The following LARGE1 variants were observed in gnomAD, a reference collection of about 807,000 sequenced individuals.
LARGE1 encodes xylosyl- and glucuronyltransferase LARGE1.
Under a neutral mutation model 87.6 loss-of-function variants are expected in LARGE1, and 43 were observed. The ratio of observed to expected loss-of-function variants is 0.49; its 90% CI spans 0.38 to 0.63. The LOEUF (loss-of-function observed/expected upper bound fraction) is 0.63. Ranked by LOEUF, LARGE1 falls within the 30% of genes least tolerant of loss-of-function variation. LARGE1 has a pLI of 0.00. For synonymous variants in LARGE1, 434 were observed against 394.6 expected (o/e 1.10, Z -1.18); for missense variants, 802 against 1,000.2 (o/e 0.80, Z 2.67).
chr22:33,821,518 G>C (rs1445406295), intron 1 of LARGE1, among the ~76,000 whole-genome samples: 1 of 152,104 alleles, frequency 6.6e-6, no homozygotes, highest in Non-Finnish European at 1.5e-5. Flanking sequence ...TAATGAGATG[G>C]TAAGGATGTC....
At chr22:33,642,888 C>T (rs1324725512) in intron 3 of LARGE1, among the ~76,000 whole-genome samples, 2 of 151,892 alleles carry the variant, frequency 1.3e-5, no homozygotes, top group Non-Finnish European at 1.5e-5. Flanking sequence ...ACTGGAGCAC[C>T]CAGATTCATT....
intron 12 of LARGE1, among the ~76,000 whole-genome samples, chr22:33,288,177 T>C (rs1002874065): frequency 6.6e-6 from 1 of 152,208 alleles, no homozygotes; most frequent in African/African-American, 2.4e-5. Flanking sequence ...ATAGACGTGT[T>C]AAACTGCAAT....
chr22:33,404,882 G>T (rs1034521047), intron 7 of LARGE1, among the ~76,000 whole-genome samples: 1 of 152,120 alleles, frequency 6.6e-6, no homozygotes, highest in Admixed American at 6.5e-5. Context: ...CTGTTCAGTG[G>T]GGGGGAAGGA....
chr22:33,678,392 T>C (rs372234468), intron 2 of LARGE1, among the ~76,000 whole-genome samples: 1 of 152,278 alleles, frequency 6.6e-6, no homozygotes, highest in East Asian at 1.9e-4. Flanking sequence ...CCATGAAATA[T>C]CTAAAGTAAC....
In LARGE1 at chr22:33,332,792, T is replaced by C. The variant is rs1325692297; in HGVS notation, c.1287+4854A>G. On this transcript the variant is annotated intron_variant, in intron 10 of 14. Transcript: ENST00000397394. Reference sequence around the variant, plus strand: ...AGTGCAATGTTTACAGACTCTCTCTTTGCCCCAGCTCCAGCCCCAGCCCCA... The same window carrying C: ...AGTGCAATGTTTACAGACTCTCTCTCTGCCCCAGCTCCAGCCCCAGCCCCA... 2.0e-5 allele frequency among the ~76,000 whole-genome samples: 3 copies of C among 152,140 alleles called. No individual in the cohort carries two copies. The East Asian group carries it at 5.8e-4, about 29-fold the overall frequency.
intron 7 of LARGE1, among the ~76,000 whole-genome samples, chr22:33,398,583 T>C (rs148775503): frequency 2.0e-5 from 3 of 152,208 alleles, no homozygotes; most frequent in Non-Finnish European, 4.4e-5. Flanking sequence ...AATAAAAAGT[T>C]GAGGAAAAGT....
chr22:33,800,741 G>A (rs181357064), intron 1 of LARGE1, among the ~76,000 whole-genome samples: 42 of 152,140 alleles, frequency 2.8e-4, no homozygotes, highest in African/African-American at 7.5e-4. Flanking sequence ...CCTTTTTCTC[G>A]CTGAGTAGTG....
chr22:33,842,099 A>G (rs764777511), intron 1 of LARGE1, among the ~76,000 whole-genome samples: 2 of 152,242 alleles, frequency 1.3e-5, no homozygotes, highest in Non-Finnish European at 2.9e-5. Flanking sequence ...ATCCCTTTAT[A>G]GTTCTAAATG....
intron 1 of LARGE1, among the ~76,000 whole-genome samples, chr22:33,826,492 A>C (rs2062788874): frequency 6.6e-6 from 1 of 151,772 alleles, no homozygotes; most frequent in Non-Finnish European, 1.5e-5. Context: ...ACAGGCATCC[A>C]CCACCGCACC....
chr22:33,147,930 C>T, the LARGE1 span, among the ~76,000 whole-genome samples: 3 of 152,146 alleles, frequency 2.0e-5, no homozygotes, highest in Non-Finnish European at 4.4e-5. Context: ...AATGTCCCTA[C>T]CAAAATTCAT....
intron 6 of LARGE1, among the ~76,000 whole-genome samples, chr22:33,480,471 C>T (rs1214909429): frequency 6.6e-6 from 1 of 152,090 alleles, no homozygotes; most frequent in Non-Finnish European, 1.5e-5. Flanking sequence ...GAGGTGAGCC[C>T]CGTAGAGGTT....
At chr22:33,306,813 G>A (rs932472194) in intron 11 of LARGE1, among the ~76,000 whole-genome samples, 12 of 150,188 alleles carry the variant, frequency 8.0e-5, no homozygotes, top group Admixed American at 8.0e-4. Flanking sequence ...GGTGGAGGTT[G>A]CAGTGAGCTG....
At chr22:33,344,181 C>T (rs1939474089) in intron 9 of LARGE1, among the ~76,000 whole-genome samples, 1 of 152,218 alleles carries the variant, frequency 6.6e-6, no homozygotes, top group Non-Finnish European at 1.5e-5. Flanking sequence ...GGGATCAATA[C>T]TCTGTATCCT....
chr22:33,579,257 A>T (rs1170922743), intron 5 of LARGE1, among the ~76,000 whole-genome samples: 1 of 152,108 alleles, frequency 6.6e-6, no homozygotes, highest in Non-Finnish European at 1.5e-5. Context: ...TAAAAAGAGG[A>T]GTTCCCCTGC....
chr22:33,095,726 T>C, the LARGE1 span, among the ~76,000 whole-genome samples: 1 of 152,224 alleles, frequency 6.6e-6, no homozygotes, highest in Non-Finnish European at 1.5e-5. Context: ...GCCCCATCTA[T>C]GCTAGGTCCT....
intron 11 of LARGE1, among the ~76,000 whole-genome samples, chr22:33,232,794 G>A (rs1045266583): frequency 1.3e-5 from 2 of 152,134 alleles, no homozygotes; most frequent in Admixed American, 6.5e-5. Flanking sequence ...GGGGAGTAAC[G>A]GCAGCCATTT....
At chr22:33,069,355 T>C in the LARGE1 span, among the ~76,000 whole-genome samples, 1 of 152,186 alleles carries the variant, frequency 6.6e-6, no homozygotes, top group Admixed American at 6.5e-5. Flanking sequence ...CTGTGTCACG[T>C]TTTCTCAAAT....
chr22:33,200,283 A>C (rs1349888620), intron 11 of LARGE1, among the ~76,000 whole-genome samples: 1 of 152,250 alleles, frequency 6.6e-6, no homozygotes, highest in Non-Finnish European at 1.5e-5. Context: ...AAATACTATA[A>C]ATCACAATGA....
chr22:33,779,254 T>C (rs968481364), intron 1 of LARGE1, among the ~76,000 whole-genome samples: 11 of 152,302 alleles, frequency 7.2e-5, no homozygotes, highest in African/African-American at 2.2e-4. Flanking sequence ...TCATTATATA[T>C]GTCTGGCTCT....
Sources: gnomAD v4.1 joint callset for allele counts (sites outside exome capture counted in the v4.1 genomes callset) on GRCh38, gnomAD v4.1.1 for gene constraint, MANE v1.5 for transcripts, NCBI Gene and HGNC (gene_info 2026-07-23, HGNC 2026-07-21) for gene names.